The following BTLA variants were observed in gnomAD, a reference collection of about 807,000 sequenced individuals.
BTLA encodes the protein B- and T-lymphocyte attenuator.
BTLA carries 11 observed loss-of-function variants against 25.0 expected under a neutral mutation model. That is an observed-to-expected ratio of 0.44 (90% confidence interval 0.28 to 0.73). The LOEUF (loss-of-function observed/expected upper bound fraction) is 0.73, where lower values mean the gene tolerates loss of function less well. Among genes scored for constraint, BTLA ranks in the 30% least tolerant of loss-of-function variants. The pLI is 0.15. For synonymous variants in BTLA, 104 were observed against 119.8 expected, an observed-to-expected ratio of 0.87 and a Z score of 0.86; for missense variants, 282 against 332.8, an observed-to-expected ratio of 0.85 and a Z score of 1.19.
Position 112,466,041 on chromosome 3 carries a change from G to C in BTLA, c.*67C>G. On this transcript the variant is annotated 3_prime_UTR_variant, in exon 5 of 5. Transcript: ENST00000334529. ...ATTGAGAAATATTATTTGACATCCT[G>C]TTGAGCCCAGACAATGATGTCAACA... The C allele has an allele frequency of 7.0e-7, 1 of 1,432,760 alleles. No individual in the cohort carries two copies. Among genetic ancestry groups the C allele is most frequent in the Non-Finnish European group, 9.4e-7 (1 of 1,067,760 alleles). The allele number at this position is 1,432,760 out of a possible 1,614,324, so 88.8% of individuals were successfully genotyped here.
chr3:112,492,985 T>C (rs544783378), intron 1 of BTLA, among the ~76,000 whole-genome samples: 108 of 152,332 alleles, frequency 7.1e-4, no homozygotes, highest in African/African-American at 2.5e-3. Context: ...TCTCAAATTG[T>C]ATGACACCTC....
chr3:112,480,283 T>C (rs2107321706), intron 1 of BTLA, among the ~76,000 whole-genome samples: 1 of 152,328 alleles, frequency 6.6e-6, no homozygotes, highest in East Asian at 1.9e-4. Context: ...CTATAAGTAC[T>C]AATGATAATC....
At chr3:112,488,145 CT>C in intron 1 of BTLA, among the ~76,000 whole-genome samples, 1 of 151,814 alleles carries the variant, frequency 6.6e-6, no homozygotes, top group Non-Finnish European at 1.5e-5. Context: ...ACCAAATGGT[CT>C]TCTACATTCC....
chr3:112,488,468 C>T (rs997556193), intron 1 of BTLA, among the ~76,000 whole-genome samples: 12 of 152,140 alleles, frequency 7.9e-5, no homozygotes, highest in African/African-American at 2.2e-4. Flanking sequence ...GTGATCCGCC[C>T]GCCTCGGGCT....
In BTLA at chr3:112,485,242, G is replaced by A. The variant is rs143603234; in HGVS notation, c.89-5473C>T. On this transcript the variant is annotated intron_variant, in intron 1 of 4. Transcript: ENST00000334529. ...GTATTTTTAGTAGGGACGGGGTTTC[G>A]CCATGTTAGCCAGGCTGATCTCGAA... Among the ~76,000 whole-genome samples the A allele has an allele frequency of 6.5e-3, 983 of 151,800 alleles. 11 individuals are homozygous for A. Among genetic ancestry groups the A allele is most frequent in the African/African-American group, 0.022 (925 of 41,384 alleles).
intron 1 of BTLA, among the ~76,000 whole-genome samples, chr3:112,496,021 C>T (rs1359137394): frequency 6.6e-6 from 1 of 152,166 alleles, no homozygotes; most frequent in Non-Finnish European, 1.5e-5. Context: ...TTAAAAATCA[C>T]AATAACCAGT....
chr3:112,469,784 CAG>C lies in BTLA; in HGVS notation c.566_567del (p.Ser189Ter). ...RRHQGKQNELSDTAGREINLV... is the reference protein window; with the variant it reads ...RRHQGKQNELXDTAGREINLV... ...AGGTTAATTTCCCTTCCTGCTGTGT[CAG>C]AGAGTTCATTTTGCTTTCCTGGAAG... On this transcript the variant is annotated frameshift_variant, in exon 4 of 5. Transcript: ENST00000334529. LOFTEE classifies it low-confidence loss of function (END_TRUNC). 1 of 1,610,820 alleles carries C rather than the reference CAG, an allele frequency of 6.2e-7. No individual in the cohort carries two copies. Among genetic ancestry groups the C allele is most frequent in the African/African-American group, 1.3e-5 (1 of 74,692 alleles).
intron 1 of BTLA, among the ~76,000 whole-genome samples, chr3:112,493,567 G>A (rs2082392022): frequency 6.6e-6 from 1 of 152,144 alleles, no homozygotes; most frequent in African/African-American, 2.4e-5. Flanking sequence ...GTGCAGTGGT[G>A]CAACCTGGCT....
chr3:112,485,841 G>A (rs1271121520), intron 1 of BTLA, among the ~76,000 whole-genome samples: 1 of 152,232 alleles, frequency 6.6e-6, no homozygotes, highest in African/African-American at 2.4e-5. Flanking sequence ...GGCCGGGCAC[G>A]GTGGCTCACG....
intron 1 of BTLA, among the ~76,000 whole-genome samples, chr3:112,494,999 C>T (rs760402936): frequency 2.2e-4 from 34 of 152,196 alleles, no homozygotes; most frequent in Middle Eastern, 3.4e-3. Flanking sequence ...GTTACTTTAA[C>T]AGGACTATTA....
intron 2 of BTLA, among the ~76,000 whole-genome samples, chr3:112,474,656 A>T (rs1227487516): frequency 1.3e-5 from 2 of 152,224 alleles, no homozygotes; most frequent in Non-Finnish European, 2.9e-5. Flanking sequence ...GGTAAAAAGG[A>T]GTGATCCCTT....
In BTLA at chr3:112,479,645, C is replaced by G. The variant is rs1396335228; in HGVS notation, c.213G>C (p.Trp71Cys). 3.1e-6 allele frequency: 5 copies of G among 1,614,132 alleles called. No homozygotes were observed. Among genetic ancestry groups the G allele is most frequent in the Non-Finnish European group, 4.2e-6 (5 of 1,180,010 alleles). Residue 71 changes from tryptophan (W) to cysteine (C), a missense_variant, in exon 2 of 5, where the codon TGG becomes TGC. Trp to Cys is a radical substitution (Grantham distance 215). Around this residue, in one of 2 missense-constraint regions of BTLA, gnomAD observed 163 missense variants for 230.4 expected, o/e 0.71. Transcript: ENST00000334529. Reference protein sequence around the residue: ...KYCANRPHVTWCKLNGTTCVK... With the variant: ...KYCANRPHVTCCKLNGTTCVK... ...CACATGTTGTTCCATTGAGCTTGCA[C>G]CAAGTCACATGAGGCCTGTTAGCAC...
At chr3:112,487,208 TTTAGAAC>T (rs2107330722) in intron 1 of BTLA, among the ~76,000 whole-genome samples, 1 of 152,336 alleles carries the variant, frequency 6.6e-6, no homozygotes, top group East Asian at 1.9e-4. Flanking sequence ...AACCATAGTA[TTTAGAAC>T]TTAGACCAAA....
chr3:112,482,440 CAT>C (rs893646740), intron 1 of BTLA, among the ~76,000 whole-genome samples: 111 of 152,328 alleles, frequency 7.3e-4, no homozygotes, highest in Middle Eastern at 3.4e-3. Flanking sequence ...GTTTCTCATA[CAT>C]GTCTATCCAG....
chr3:112,491,339 C>T (rs903880045), intron 1 of BTLA, among the ~76,000 whole-genome samples: 25 of 152,046 alleles, frequency 1.6e-4, no homozygotes, highest in Admixed American at 1.0e-3. Flanking sequence ...CATCTTAACA[C>T]GAGGAAAAAA....
At chr3:112,495,551 C>A (rs1007939313) in intron 1 of BTLA, among the ~76,000 whole-genome samples, 2 of 152,174 alleles carry the variant, frequency 1.3e-5, no homozygotes, top group African/African-American at 4.8e-5. Context: ...CAAGGTTAAT[C>A]TTTTCATGCT....
At chr3:112,472,028 A>G (rs2082265428) in intron 2 of BTLA, among the ~76,000 whole-genome samples, 1 of 152,194 alleles carries the variant, frequency 6.6e-6, no homozygotes, top group South Asian at 2.1e-4. Flanking sequence ...GAAACAGAAG[A>G]GGATAGAAAT....
intron 2 of BTLA, among the ~76,000 whole-genome samples, chr3:112,476,105 A>C (rs1244786383): frequency 6.6e-6 from 1 of 152,226 alleles, no homozygotes; most frequent in African/African-American, 2.4e-5. Flanking sequence ...TGTGCCAGGT[A>C]CCCTGCCATC....
chr3:112,477,979 CTT>C (rs2082297987), intron 2 of BTLA, among the ~76,000 whole-genome samples: 1 of 149,938 alleles, frequency 6.7e-6, no homozygotes. Context: ...ACATTGATCT[CTT>C]TGTCTATCCA....
Sources: gnomAD v4.1 joint callset for allele counts (sites outside exome capture counted in the v4.1 genomes callset) on GRCh38, gnomAD v4.1.1 for gene constraint, gnomAD v4.1.1 regional missense constraint, MANE v1.5 for transcripts, NCBI Gene and HGNC (gene_info 2026-07-23, HGNC 2026-07-21) for gene names.